KLRG2: variants seen among roughly 807,000 people sequenced by gnomAD.
The protein encoded by KLRG2 is killer cell lectin-like receptor subfamily G member 2.
A neutral mutation model predicts 35.4 loss-of-function variants in KLRG2; 39 were observed. The observed-to-expected ratio is 1.10, with a 90% CI of 0.85 to 1.44. The LOEUF (loss-of-function observed/expected upper bound fraction) is 1.44. Among genes scored for constraint, KLRG2 ranks in the 40% most tolerant of loss-of-function variants. KLRG2 has a pLI of 0.00. For missense variants in KLRG2, 632 were observed against 570.9 expected (o/e 1.11, Z -1.09); for synonymous variants, 283 against 265.8 (o/e 1.06, Z -0.63).
the KLRG2 span, among the ~76,000 whole-genome samples, chr7:139,432,547 C>CT: frequency 1.4e-5 from 2 of 145,816 alleles, no homozygotes; most frequent in Non-Finnish European, 3.0e-5. Context: ...TTGCAGGACC[C>CT]CCCCCCCCCA....
In KLRG2 at chr7:139,480,162, GACC is replaced by G. The variant is rs767103211; in HGVS notation, c.840_842del (p.Val281del). 1 of 1,613,288 alleles carries G rather than the reference GACC, an allele frequency of 6.2e-7. No individual in the cohort carries two copies. Among genetic ancestry groups the G allele is most frequent in the East Asian group, 2.2e-5 (1 of 44,864 alleles). ...ACACCATACCTGCTCTTGAGGCCAG[GACC>G]ACAATGACAACCCCAGAGACTGCCA... On this transcript the variant is annotated inframe_deletion, in exon 2 of 5. Coordinates refer to ENST00000340940, the MANE Select transcript of KLRG2 (RefSeq NM_198508.4).
intron 3 of KLRG2, among the ~76,000 whole-genome samples, chr7:139,472,326 A>G (rs942862980): frequency 6.6e-6 from 1 of 152,226 alleles, no homozygotes; most frequent in Non-Finnish European, 1.5e-5. Flanking sequence ...AAGGAGAAAC[A>G]AAAAAGATAC....
intron 1 of KLRG2, among the ~76,000 whole-genome samples, chr7:139,481,928 T>TA (rs112460850): frequency 2.5e-4 from 36 of 145,982 alleles, no homozygotes; most frequent in East Asian, 3.9e-4. Context: ...ACTTATTTCT[T>TA]AAAAAAAAAA....
At chr7:139,472,427 TAGAA>T (rs1282326122) in intron 3 of KLRG2, among the ~76,000 whole-genome samples, 9 of 151,030 alleles carry the variant, frequency 6.0e-5, no homozygotes, top group East Asian at 3.9e-4. Flanking sequence ...TTTTAAAAAA[TAGAA>T]AGAAAAAAGG....
Position 139,479,751 on chromosome 7 carries a change from G to A in KLRG2, c.881C>T (p.Pro294Leu), listed in dbSNP as rs1408876397. Residue 294 changes from proline to leucine, a missense_variant, in exon 3 of 5, where the codon CCC (proline) becomes CTC (leucine). Physicochemically the swap from Pro to Leu is moderately conservative, Grantham distance 98. Coordinates refer to ENST00000340940, the MANE Select transcript of KLRG2 (RefSeq NM_198508.4). ...SRAGARCQQCPPGWVLSEEHC... is the reference protein window; with the variant it reads ...SRAGARCQQCLPGWVLSEEHC... ...CTCCTCGGACAACACCCAGCCTGGG[G>A]GGCACTGCTGGCATCTGGCTCCTGC... 5 of 1,613,744 alleles carry A rather than the reference G, an allele frequency of 3.1e-6. No homozygotes were observed. The highest frequency in any genetic ancestry group is 4.5e-5 in the East Asian group (2 of 44,878).
the KLRG2 span, among the ~76,000 whole-genome samples, chr7:139,441,710 T>C: frequency 6.6e-6 from 1 of 151,898 alleles, no homozygotes; most frequent in Non-Finnish European, 1.5e-5. Flanking sequence ...GAGGTAGAGA[T>C]TGGATTGAGT....
At chr7:139,457,504 T>A (rs1796497390) in intron 3 of KLRG2, among the ~76,000 whole-genome samples, 1 of 152,212 alleles carries the variant, frequency 6.6e-6, no homozygotes, top group South Asian at 2.1e-4. Context: ...ATGCTTGTGA[T>A]GAGGCTTGAG....
the KLRG2 span, among the ~76,000 whole-genome samples, chr7:139,434,625 G>A: frequency 3.3e-5 from 5 of 152,290 alleles, no homozygotes; most frequent in Middle Eastern, 3.4e-3. Flanking sequence ...AAAGCTGAAT[G>A]TCAATTTTCT....
intron 1 of KLRG2, among the ~76,000 whole-genome samples, chr7:139,481,340 A>C (rs1796956345): frequency 6.6e-6 from 1 of 152,248 alleles, no homozygotes; most frequent in African/African-American, 2.4e-5. Context: ...AATTTGTTAC[A>C]ACAGCAATAG....
downstream of KLRG2, chr7:139,452,671 G>T (rs1370186501): frequency 1.3e-5 from 2 of 152,248 alleles, no homozygotes; most frequent in Non-Finnish European, 2.9e-5. Context: ...CCTGCTGTTT[G>T]GAGGTCTAGC....
the KLRG2 span, among the ~76,000 whole-genome samples, chr7:139,442,125 G>T: frequency 1.3e-5 from 2 of 152,198 alleles, no homozygotes; most frequent in African/African-American, 4.8e-5. Context: ...AGGGAGCAAA[G>T]CATGACAGGA....
the KLRG2 span, among the ~76,000 whole-genome samples, chr7:139,435,460 A>C: frequency 6.6e-6 from 1 of 152,224 alleles, no homozygotes; most frequent in Non-Finnish European, 1.5e-5. Context: ...ACTGCACTCC[A>C]GCCTGGGTGA....
intron 3 of KLRG2, among the ~76,000 whole-genome samples, chr7:139,475,681 C>A (rs940295989): frequency 4.6e-5 from 7 of 152,038 alleles, no homozygotes; most frequent in Non-Finnish European, 8.8e-5. Context: ...TTTAAAATAC[C>A]CTTTGTAACA....
rs1414379801 is a variant in KLRG2 at position 139,483,096 on chromosome 7, C to T, written c.547G>A (p.Gly183Ser). The part of the protein sequence containing the change: ...LRAPSQGGTW[G>S]RRSPLAAART... ...GCTGCAGCCAGCGGCGAGCGGCGGC[C>T]CCACGTGCCGCCCTGGGATGGTGCG... Residue 183 changes from glycine (G) to serine (S), a missense_variant, in exon 1 of 5, where the codon GGC becomes AGC. Transcript: ENST00000340940. 1 of 1,435,640 alleles carries T rather than the reference C, an allele frequency of 7.0e-7. No individual in the cohort carries two copies. The highest frequency in any genetic ancestry group is 9.1e-7 in the Non-Finnish European group (1 of 1,104,090). 88.9% of individuals were successfully genotyped at this position (1,435,640 alleles called of 1,614,324 possible).
chr7:139,462,995 A>G (rs1468784380), intron 3 of KLRG2, among the ~76,000 whole-genome samples: 1 of 151,884 alleles, frequency 6.6e-6, no homozygotes, highest in Non-Finnish European at 1.5e-5. Context: ...TAATCCTTTT[A>G]TCACCTCCTC....
chr7:139,435,848 TG>T, the KLRG2 span, among the ~76,000 whole-genome samples: 1 of 152,124 alleles, frequency 6.6e-6, no homozygotes, highest in Non-Finnish European at 1.5e-5. Context: ...TGTGTTTATT[TG>T]CTTTTTGTGT....
intron 3 of KLRG2, among the ~76,000 whole-genome samples, chr7:139,475,703 G>A (rs549903618): frequency 4.3e-4 from 65 of 152,170 alleles, no homozygotes; most frequent in Non-Finnish European, 7.4e-4. Flanking sequence ...ACCAGTAAAT[G>A]TGTTTCCCTA....
At chr7:139,435,558 T>C in the KLRG2 span, among the ~76,000 whole-genome samples, 2 of 152,176 alleles carry the variant, frequency 1.3e-5, no homozygotes, top group African/African-American at 4.8e-5. Context: ...AATCATGATA[T>C]AGAATAGTTC....
At chr7:139,447,687 G>A in the KLRG2 span, among the ~76,000 whole-genome samples, 11 of 152,212 alleles carry the variant, frequency 7.2e-5, no homozygotes, top group East Asian at 9.6e-4. Flanking sequence ...ACAGGTGTGA[G>A]CCACCGCACC....
Sources: allele counts gnomAD v4.1 joint callset (sites outside exome capture counted in the v4.1 genomes callset), GRCh38; gene constraint gnomAD v4.1.1; transcripts MANE v1.5; gene names NCBI Gene and HGNC (gene_info 2026-07-23, HGNC 2026-07-21).